ASTN2: variants seen among roughly 807,000 people sequenced by gnomAD.
The protein encoded by ASTN2 is astrotactin-2.
A neutral mutation model predicts 139.8 loss-of-function variants in ASTN2; 54 were observed. The observed-to-expected ratio is 0.39, with a 90% CI of 0.31 to 0.48. ASTN2 has a LOEUF of 0.48. Ranked by LOEUF, ASTN2 falls within the 20% of genes least tolerant of loss-of-function variation. The pLI, the probability that ASTN2 is intolerant of heterozygous loss-of-function variation, is 0.95. For synonymous variants in ASTN2, 756 were observed against 719.5 expected (o/e 1.05, Z -0.81); for missense variants, 1,565 against 1,725.1 (o/e 0.91, Z 1.64).
intron 13 of ASTN2, among the ~76,000 whole-genome samples, chr9:116,763,375 A>T (rs1457041710): frequency 6.6e-6 from 1 of 152,166 alleles, no homozygotes; most frequent in African/African-American, 2.4e-5. Context: ...GGAAGTGAGT[A>T]TCACTCTGCC....
chr9:116,919,161 C>T (rs1216131539), intron 10 of ASTN2, among the ~76,000 whole-genome samples: 7 of 152,104 alleles, frequency 4.6e-5, no homozygotes, highest in South Asian at 2.1e-4. Flanking sequence ...AACCCCATAG[C>T]AGTAATTATC....
chr9:116,932,996 A>G (rs1228658972), intron 10 of ASTN2, among the ~76,000 whole-genome samples: 1 of 94,548 alleles, frequency 1.1e-5, no homozygotes, highest in Non-Finnish European at 2.0e-5. Flanking sequence ...ACAGAGCGAG[A>G]CTCTGTCTCA....
chr9:116,471,318 C>A (rs577120148), intron 20 of ASTN2, among the ~76,000 whole-genome samples: 1 of 152,180 alleles, frequency 6.6e-6, no homozygotes, highest in African/African-American at 2.4e-5. Flanking sequence ...TCTCCACAAG[C>A]GAGACAGCTT....
chr9:116,931,073 T>C (rs547572002), intron 10 of ASTN2, among the ~76,000 whole-genome samples: 2 of 152,200 alleles, frequency 1.3e-5, no homozygotes, highest in South Asian at 4.2e-4. Context: ...TATGCAGCTC[T>C]CCAACATGCC....
chr9:116,712,384 C>G (rs973892222), intron 16 of ASTN2, among the ~76,000 whole-genome samples: 2 of 152,118 alleles, frequency 1.3e-5, no homozygotes, highest in African/African-American at 4.8e-5. Context: ...ATATCTTTTT[C>G]CAAGACTAAA....
intron 13 of ASTN2, among the ~76,000 whole-genome samples, chr9:116,777,070 G>C (rs1346544790): frequency 6.6e-6 from 1 of 152,140 alleles, no homozygotes; most frequent in Non-Finnish European, 1.5e-5. Context: ...AACTGCCCCT[G>C]ATTCAAGCTG....
chr9:116,538,629 A>C (rs1402282698), intron 19 of ASTN2, among the ~76,000 whole-genome samples: 1 of 152,158 alleles, frequency 6.6e-6, no homozygotes, highest in Non-Finnish European at 1.5e-5. Context: ...CTTCATGTTG[A>C]TCTAAGGAAA....
At chr9:117,371,865 C>T (rs1830000168) in intron 1 of ASTN2, among the ~76,000 whole-genome samples, 1 of 152,038 alleles carries the variant, frequency 6.6e-6, no homozygotes, top group African/African-American at 2.4e-5. Flanking sequence ...ACCCCACCCG[C>T]CACCTTTCAC....
intron 1 of ASTN2, among the ~76,000 whole-genome samples, chr9:117,329,967 A>G (rs1828648967): frequency 6.6e-6 from 1 of 152,148 alleles, no homozygotes. Flanking sequence ...TTATTTTCCC[A>G]TGAAGAAACT....
At chr9:117,311,749 GT>G (rs1240721840) in intron 1 of ASTN2, among the ~76,000 whole-genome samples, 1 of 152,144 alleles carries the variant, frequency 6.6e-6, no homozygotes, top group African/African-American at 2.4e-5. Flanking sequence ...GATATAAGGG[GT>G]TTTGCCTCTT....
chr9:116,793,589 T>G (rs1205271249), intron 13 of ASTN2, among the ~76,000 whole-genome samples: 1 of 152,206 alleles, frequency 6.6e-6, no homozygotes, highest in East Asian at 1.9e-4. Context: ...CATATTTTAA[T>G]TTGTTTAAAA....
chr9:116,964,723 G>A (rs1835968481), intron 10 of ASTN2, among the ~76,000 whole-genome samples: 1 of 152,184 alleles, frequency 6.6e-6, no homozygotes, highest in African/African-American at 2.4e-5. Context: ...AAGTGACAAT[G>A]ATAGTGCCAG....
chr9:116,496,171 T>G (rs1849662730), intron 19 of ASTN2, among the ~76,000 whole-genome samples: 1 of 152,192 alleles, frequency 6.6e-6, no homozygotes, highest in Non-Finnish European at 1.5e-5. Flanking sequence ...CTGTCTCTCA[T>G]ATATTGATGG....
chr9:117,301,207 C>A (rs985848463), intron 1 of ASTN2, among the ~76,000 whole-genome samples: 1 of 152,116 alleles, frequency 6.6e-6, no homozygotes, highest in African/African-American at 2.4e-5. Flanking sequence ...TTTGTCATTT[C>A]GCTTCATGAT....
chr9:117,325,574 T>A (rs1466222660), intron 1 of ASTN2, among the ~76,000 whole-genome samples: 1 of 152,012 alleles, frequency 6.6e-6, no homozygotes, highest in Non-Finnish European at 1.5e-5. Flanking sequence ...TGATGAAGAG[T>A]GTCTCATCAA....
At position 117,005,091 on chromosome 9, in the gene ASTN2, T is replaced by TTTC. The variant is rs1554768488; in HGVS notation, c.1591+3000_1591+3001insGAA. On this transcript the variant is annotated intron_variant, in intron 7 of 22. Coordinates refer to ENST00000313400, the MANE Select transcript of ASTN2 (RefSeq NM_001365068.1). ...TGGACCTGTAGTCGATTTTTTTTTTTTTTTTTTTTTTTTGAGACACAGTCT... is the reference window on the plus strand; with the variant it reads ...TGGACCTGTAGTCGATTTTTTTTTTTTTCTTTTTTTTTTTTTGAGACACAGTCT... Among the ~76,000 whole-genome samples the TTTC allele has an allele frequency of 5.0e-3, 705 of 139,994 alleles. 21 individuals carry two copies. The highest frequency in any genetic ancestry group is 0.018 in the African/African-American group (680 of 37,216). 91.8% of individuals were successfully genotyped at this position (139,994 alleles called of 152,430 possible).
intron 5 of ASTN2, among the ~76,000 whole-genome samples, chr9:117,073,753 G>A (rs557647687): frequency 1.3e-5 from 2 of 152,140 alleles, no homozygotes; most frequent in South Asian, 2.1e-4. Context: ...CAATGGGCCT[G>A]GGGGAGCAGG....
rs1831251114 is a variant in ASTN2, at chr9:117,414,076, G to GC, written c.442+420dup. On this transcript the variant is annotated intron_variant, in intron 1 of 22. Coordinates refer to ENST00000313400, the MANE Select transcript of ASTN2 (RefSeq NM_001365068.1). The surrounding 1 kb of genome is among the most constrained non-coding windows in gnomAD (Gnocchi z 4.2). ...CAGAACCCGCAACTCCGAGGCGAGA[G>GC]CGAGGGGGCGGTGACGGCGGGTGGC... 6.6e-6 allele frequency among the ~76,000 whole-genome samples: 1 copy of GC among 152,228 alleles called. No individual in the cohort carries two copies. Among genetic ancestry groups the GC allele is most frequent in the South Asian group, 2.1e-4 (1 of 4,838 alleles).
At chr9:117,152,148 AAT>A (rs1490560486) in intron 3 of ASTN2, among the ~76,000 whole-genome samples, 2 of 152,192 alleles carry the variant, frequency 1.3e-5, no homozygotes, top group African/African-American at 4.8e-5. Context: ...TCAATGTAAT[AAT>A]ATAAGCAAAG....
Sources: allele counts gnomAD v4.1 joint callset (sites outside exome capture counted in the v4.1 genomes callset), GRCh38; gene constraint gnomAD v4.1.1; non-coding constraint Gnocchi (gnomAD v3.1); transcripts MANE v1.5; gene names NCBI Gene and HGNC (gene_info 2026-07-23, HGNC 2026-07-21).